CLVS1: variants seen among roughly 807,000 people sequenced by gnomAD.
CLVS1 encodes the protein clavesin-1.
A neutral mutation model predicts 33.1 loss-of-function variants in CLVS1; 10 were observed. The observed-to-expected ratio is 0.30, with a 90% CI of 0.19 to 0.51. The LOEUF is 0.51. CLVS1 is among the 20% of genes least tolerant of loss of function. The pLI is 0.97. For synonymous variants in CLVS1, 163 were observed against 166.1 expected, an observed-to-expected ratio of 0.98 and a Z score of 0.14; for missense variants, 343 against 433.4, an observed-to-expected ratio of 0.79 and a Z score of 1.85.
intron 3 of CLVS1, among the ~76,000 whole-genome samples, chr8:61,398,725 C>A (rs897968556): frequency 1.3e-5 from 2 of 152,076 alleles, no homozygotes; most frequent in Admixed American, 1.3e-4. Context: ...CTCCGACAGG[C>A]CCCAGTATGT....
At chr8:60,997,101 C>T in the CLVS1 span, among the ~76,000 whole-genome samples, 2 of 151,668 alleles carry the variant, frequency 1.3e-5, no homozygotes, top group African/African-American at 4.8e-5. Flanking sequence ...AAAAAATATT[C>T]CTGGTTGCAA....
chr8:61,323,707 A>T (rs1811278418), intron 2 of CLVS1, among the ~76,000 whole-genome samples: 1 of 151,946 alleles, frequency 6.6e-6, no homozygotes. Context: ...TTTGTTACAT[A>T]GGTAAACTTG....
intron 2 of CLVS1, among the ~76,000 whole-genome samples, chr8:61,142,345 T>A (rs940375705): frequency 6.6e-6 from 1 of 152,156 alleles, no homozygotes; most frequent in Non-Finnish European, 1.5e-5. Flanking sequence ...TCCTGAGGCC[T>A]CCCCAGCCAT....
rs1208038956 is a variant in CLVS1, at chr8:61,500,375, C to G, written c.*833C>G. The G allele has an allele frequency of 6.6e-6, 1 of 152,122 alleles. No homozygotes were observed. The highest frequency in any genetic ancestry group is 1.5e-5 in the Non-Finnish European group (1 of 68,006). 9.4% of individuals were successfully genotyped at this position (152,122 alleles called of 1,614,324 possible). A position where few individuals can be genotyped will look rare whatever the true frequency, so the allele number is the denominator to read the frequency against. On this transcript the variant is annotated 3_prime_UTR_variant, in exon 6 of 6. Coordinates refer to ENST00000325897, the MANE Select transcript of CLVS1 (RefSeq NM_173519.3). Reference sequence around the variant, plus strand: ...TCCAGTTGCCTCAACTGGGTCACTACAGCAAAGAAAAGTGCTATCAAACCA... The same window carrying G: ...TCCAGTTGCCTCAACTGGGTCACTAGAGCAAAGAAAAGTGCTATCAAACCA...
At chr8:61,161,389 G>A (rs144223270) in intron 2 of CLVS1, among the ~76,000 whole-genome samples, 2,533 of 152,276 alleles carry the variant, frequency 0.017, 30 homozygotes, top group African/African-American at 0.025. Context: ...CATTATTTAC[G>A]ATAGTGACAA....
rs1805608337 is a variant in CLVS1 at position 61,110,565 on chromosome 8, T to C, written c.-242-21205T>C. On this transcript the variant is annotated intron_variant, in intron 1 of 2. Transcript: ENST00000522621. ...GGTAAAAACTATGCAACATAAAATG[T>C]ACCATCTTAACCACTTCTGAATGTA... Among the ~76,000 whole-genome samples the C allele has an allele frequency of 5.9e-5, 9 of 152,222 alleles. No homozygotes were observed. The South Asian group carries it at 1.9e-3, about 31-fold the overall frequency.
At chr8:61,007,789 C>T in the CLVS1 span, among the ~76,000 whole-genome samples, 1 of 152,144 alleles carries the variant, frequency 6.6e-6, no homozygotes, top group African/African-American at 2.4e-5. Context: ...GACAGGACGT[C>T]GTTAAGCGCA....
intron 2 of CLVS1, among the ~76,000 whole-genome samples, chr8:61,132,222 C>T (rs533979048): frequency 4.5e-4 from 69 of 152,334 alleles, no homozygotes; most frequent in African/African-American, 1.2e-3. Flanking sequence ...CTAAACTGAC[C>T]GAGTCTTGTT....
chr8:61,022,854 T>C, the CLVS1 span, among the ~76,000 whole-genome samples: 1 of 152,262 alleles, frequency 6.6e-6, no homozygotes, highest in Non-Finnish European at 1.5e-5. Context: ...TTAATACGTG[T>C]GTGTGCACCT....
chr8:61,037,156 A>G, the CLVS1 span, among the ~76,000 whole-genome samples: 8 of 152,214 alleles, frequency 5.3e-5, no homozygotes, highest in Non-Finnish European at 1.0e-4. Context: ...AATTGTGTCA[A>G]AATAGACATG....
At chr8:61,386,896 C>A (rs910858012) in intron 3 of CLVS1, among the ~76,000 whole-genome samples, 2 of 152,152 alleles carry the variant, frequency 1.3e-5, no homozygotes, top group Admixed American at 6.5e-5. Flanking sequence ...AACAAACCAT[C>A]ACTTCAAAAT....
At chr8:61,377,043 C>T (rs1018515315) in intron 3 of CLVS1, 14 of 351,664 alleles carry the variant, frequency 4.0e-5, no homozygotes, top group Admixed American at 2.2e-4. Flanking sequence ...CCAAGATGTT[C>T]GGCTTAATCC....
At chr8:61,062,801 C>T (rs745101) in intron 1 of CLVS1, among the ~76,000 whole-genome samples, 86,381 of 152,014 alleles carry the variant, frequency 0.57, 27,374 homozygotes, top group African/African-American at 0.86. Flanking sequence ...TAAATGTCTG[C>T]GATTAGGTTA....
At chr8:61,059,682 G>C (rs1467586088) in intron 1 of CLVS1, among the ~76,000 whole-genome samples, 1 of 150,966 alleles carries the variant, frequency 6.6e-6, no homozygotes, top group Non-Finnish European at 1.5e-5. Flanking sequence ...GTGGTGACGT[G>C]TGCCTCTGAT....
intron 1 of CLVS1, chr8:61,288,352 C>G (rs370253266): frequency 7.5e-5 from 33 of 442,066 alleles, no homozygotes; most frequent in Middle Eastern, 7.1e-4. Flanking sequence ...CCTGCGCCCC[C>G]TTACACATCA....
intron 3 of CLVS1, among the ~76,000 whole-genome samples, chr8:61,391,965 A>G (rs1814320598): frequency 6.6e-6 from 1 of 152,292 alleles, no homozygotes; most frequent in South Asian, 2.1e-4. Context: ...ATCATTAAGT[A>G]CTTTGGTACA....
the CLVS1 span, among the ~76,000 whole-genome samples, chr8:61,023,850 G>A: frequency 6.6e-6 from 1 of 152,244 alleles, no homozygotes; most frequent in African/African-American, 2.4e-5. Context: ...CTCGGTCACT[G>A]GGGGTCCGCC....
At chr8:61,254,488 C>T (rs1809028871) in intron 2 of CLVS1, among the ~76,000 whole-genome samples, 2 of 152,192 alleles carry the variant, frequency 1.3e-5, no homozygotes, top group Admixed American at 6.5e-5. Flanking sequence ...TTTCTGCTGC[C>T]TTTTGTTTGG....
intron 2 of CLVS1, among the ~76,000 whole-genome samples, chr8:61,282,306 G>A (rs905324084): frequency 1.3e-5 from 2 of 152,146 alleles, no homozygotes; most frequent in African/African-American, 2.4e-5. Context: ...AATTAAGGAG[G>A]GATCATGAGG....
Sources: gnomAD v4.1 joint callset for allele counts (sites outside exome capture counted in the v4.1 genomes callset) on GRCh38, gnomAD v4.1.1 for gene constraint, MANE v1.5 for transcripts, NCBI Gene and HGNC (gene_info 2026-07-23, HGNC 2026-07-21) for gene names.